GPHN: variants seen among roughly 807,000 people sequenced by gnomAD.
The protein encoded by GPHN is gephyrin.
A neutral mutation model predicts 95.5 loss-of-function variants in GPHN; 17 were observed. The observed-to-expected ratio is 0.18, with a 90% CI of 0.12 to 0.27. GPHN has a LOEUF of 0.27. Ranked by LOEUF, GPHN falls within the 10% of genes least tolerant of loss-of-function variation. The probability of loss-of-function intolerance (pLI) is 1.00; values close to 1 mark genes in which losing one functional copy is unlikely to be tolerated. For missense variants in GPHN, 660 were observed against 978.1 expected, an observed-to-expected ratio of 0.67 and a Z score of 4.34; for synonymous variants, 320 against 322.5, an observed-to-expected ratio of 0.99 and a Z score of 0.08.
the GPHN span, among the ~76,000 whole-genome samples, chr14:67,210,197 T>C: frequency 6.6e-6 from 1 of 152,230 alleles, no homozygotes; most frequent in African/African-American, 2.4e-5. Flanking sequence ...GTAATCCAAA[T>C]GCTCACAACT....
the GPHN span, among the ~76,000 whole-genome samples, chr14:67,627,940 A>G: frequency 6.6e-6 from 1 of 152,224 alleles, no homozygotes; most frequent in Non-Finnish European, 1.5e-5. Context: ...TTTGACTTCT[A>G]AAGTCACTCT....
At chr14:67,565,462 C>T in the GPHN span, among the ~76,000 whole-genome samples, 1 of 152,126 alleles carries the variant, frequency 6.6e-6, no homozygotes, top group African/African-American at 2.4e-5. Flanking sequence ...CCAGGCTAGT[C>T]TCAAACTCCT....
chr14:67,370,621 T>A, the GPHN span, among the ~76,000 whole-genome samples: 1 of 152,206 alleles, frequency 6.6e-6, no homozygotes, highest in African/African-American at 2.4e-5. Context: ...GTGAAATTAG[T>A]GAATTCCTTG....
the GPHN span, among the ~76,000 whole-genome samples, chr14:67,606,370 G>C: frequency 6.6e-6 from 1 of 152,170 alleles, no homozygotes; most frequent in African/African-American, 2.4e-5. Flanking sequence ...CTCTTCCCTT[G>C]TAATATCAGG....
At chr14:67,223,396 T>C in the GPHN span, among the ~76,000 whole-genome samples, 2 of 152,346 alleles carry the variant, frequency 1.3e-5, no homozygotes, top group South Asian at 4.1e-4. Context: ...GAGAACATTA[T>C]AGGGAAATGC....
intron 3 of GPHN, among the ~76,000 whole-genome samples, chr14:66,822,292 CT>C (rs1404307896): frequency 1.3e-5 from 2 of 152,220 alleles, no homozygotes; most frequent in Non-Finnish European, 2.9e-5. Context: ...GCCTACCCAA[CT>C]ATCTGTGAAA....
chr14:67,187,880 C>T, the GPHN span, among the ~76,000 whole-genome samples: 1 of 152,284 alleles, frequency 6.6e-6, no homozygotes, highest in Admixed American at 6.5e-5. Flanking sequence ...TCCCCTGTCA[C>T]CCCTCTATCT....
chr14:66,632,311 C>T (rs1393164283), intron 1 of GPHN, among the ~76,000 whole-genome samples: 1 of 152,106 alleles, frequency 6.6e-6, no homozygotes, highest in Non-Finnish European at 1.5e-5. Flanking sequence ...TCTAAACCCT[C>T]TGTATTGCAT....
the GPHN span, among the ~76,000 whole-genome samples, chr14:67,424,244 AAAATAAATAAAT>A: frequency 1.3e-5 from 2 of 151,650 alleles, no homozygotes; most frequent in African/African-American, 4.9e-5. Flanking sequence ...CTCTGTCTCA[AAAATAAATAAAT>A]AAATAAATAA....
chr14:67,394,126 A>G, the GPHN span, among the ~76,000 whole-genome samples: 1 of 152,218 alleles, frequency 6.6e-6, no homozygotes, highest in African/African-American at 2.4e-5. Context: ...TTTGAGAGGC[A>G]GGATTTTCAG....
chr14:66,858,527 A>AGTAT (rs1219685142), intron 4 of GPHN, among the ~76,000 whole-genome samples: 1 of 151,862 alleles, frequency 6.6e-6, no homozygotes, highest in Non-Finnish European at 1.5e-5. Context: ...ATACCCATAT[A>AGTAT]GTATGCCATG....
chr14:67,667,898 C>T, the GPHN span, among the ~76,000 whole-genome samples: 2 of 151,998 alleles, frequency 1.3e-5, no homozygotes, highest in African/African-American at 2.4e-5. Context: ...GAGCCGAGAT[C>T]GCGCCACTGC....
At chr14:67,275,336 T>C in the GPHN span, among the ~76,000 whole-genome samples, 1 of 152,236 alleles carries the variant, frequency 6.6e-6, no homozygotes, top group African/African-American at 2.4e-5. Flanking sequence ...TGAAGGGCTA[T>C]TGAATTTTGT....
chr14:66,922,003 G>A (rs2066244137), intron 6 of GPHN, among the ~76,000 whole-genome samples: 1 of 152,104 alleles, frequency 6.6e-6, no homozygotes, highest in Non-Finnish European at 1.5e-5. Context: ...TAATTGGCTA[G>A]CCCTATGTAG....
intron 18 of GPHN, among the ~76,000 whole-genome samples, chr14:67,144,249 AAATATATATATATATATATATATAT>A (rs1421914421): frequency 5.8e-5 from 4 of 68,948 alleles, no homozygotes; most frequent in Non-Finnish European, 7.7e-5. Context: ...AAAAAAAAAA[AAATATATATATATATATATATATAT>A]ATATATATAT....
chr14:67,709,344 G>GC, the GPHN span, among the ~76,000 whole-genome samples: 1 of 152,236 alleles, frequency 6.6e-6, no homozygotes, highest in South Asian at 2.1e-4. Context: ...ACAGCATGAA[G>GC]CCAATTAAAT....
At chr14:66,918,865 C>T (rs1033405234) in intron 6 of GPHN, among the ~76,000 whole-genome samples, 29 of 151,898 alleles carry the variant, frequency 1.9e-4, no homozygotes, top group Non-Finnish European at 5.9e-5. Flanking sequence ...AAAGATAGGT[C>T]GAAAGATTAA....
chr14:66,685,907 T>G (rs1268547797), intron 2 of GPHN, among the ~76,000 whole-genome samples: 1 of 152,238 alleles, frequency 6.6e-6, no homozygotes, highest in Admixed American at 6.5e-5. Context: ...TTAATCCATC[T>G]TGAATTAATT....
At chr14:66,941,683 T>TAAAAAAAAAAAAAAAAAAA (rs72495022) in intron 8 of GPHN, among the ~76,000 whole-genome samples, 2 of 138,650 alleles carry the variant, frequency 1.4e-5, no homozygotes, top group African/African-American at 5.3e-5. Context: ...AAAGCCTTGG[T>TAAAAAAAAAAAAAAAAAAA]AAAAAAAAAA....
Sources: allele counts gnomAD v4.1 joint callset (sites outside exome capture counted in the v4.1 genomes callset), GRCh38; gene constraint gnomAD v4.1.1; transcripts MANE v1.5; gene names NCBI Gene and HGNC (gene_info 2026-07-23, HGNC 2026-07-21).